The following ANO3 variants were observed in gnomAD, a reference collection of about 807,000 sequenced individuals.
ANO3 encodes the protein anoctamin 3.
Under a neutral mutation model 144.8 loss-of-function variants are expected in ANO3, and 99 were observed. The ratio of observed to expected loss-of-function variants is 0.68; its 90% CI spans 0.58 to 0.81. The LOEUF (loss-of-function observed/expected upper bound fraction) is 0.81, where lower values mean the gene tolerates loss of function less well. Ranked by LOEUF, ANO3 falls within the 30% of genes least tolerant of loss-of-function variation. ANO3 has a pLI of 0.00. For missense variants in ANO3, 905 were observed against 1,202.2 expected (o/e 0.75, Z 3.66); for synonymous variants, 414 against 392.6 (o/e 1.05, Z -0.64).
At chr11:26,610,461 T>G (rs552692481) in intron 17 of ANO3, among the ~76,000 whole-genome samples, 1 of 152,200 alleles carries the variant, frequency 6.6e-6, no homozygotes, top group East Asian at 1.9e-4. Context: ...CCTTGTCAGA[T>G]ATATAGTTGC....
intron 14 of ANO3, among the ~76,000 whole-genome samples, chr11:26,568,427 T>C (rs79904669): frequency 0.023 from 3,505 of 151,968 alleles, 82 homozygotes; most frequent in African/African-American, 0.057. Context: ...CAAAGGAATA[T>C]AGAATTTGGT....
chr11:26,235,418 A>G (rs1024727446), intron 1 of ANO3, among the ~76,000 whole-genome samples: 1 of 152,162 alleles, frequency 6.6e-6, no homozygotes, highest in Non-Finnish European at 1.5e-5. Flanking sequence ...TGATACTTCC[A>G]GTTTCAAATA....
chr11:26,421,020 C>A (rs2133997606), intron 1 of ANO3, among the ~76,000 whole-genome samples: 1 of 152,086 alleles, frequency 6.6e-6, no homozygotes, highest in Non-Finnish European at 1.5e-5. Flanking sequence ...CAGGTTCTAA[C>A]ACTTCCTAGA....
chr11:26,313,505 T>G (rs1190893184), intron 1 of ANO3, among the ~76,000 whole-genome samples: 5 of 152,008 alleles, frequency 3.3e-5, no homozygotes, highest in Non-Finnish European at 7.4e-5. Flanking sequence ...GCCAACATGG[T>G]GAAACCCTGT....
intron 1 of ANO3, among the ~76,000 whole-genome samples, chr11:26,294,801 G>A (rs75697177): frequency 0.019 from 2,962 of 152,242 alleles, 84 homozygotes; most frequent in African/African-American, 0.064. Context: ...ATCTTTAACA[G>A]ACATCAACAT....
Position 26,463,130 on chromosome 11 carries a change from C to G in ANO3, c.414C>G (p.Phe138Leu), listed in dbSNP as rs777573696. 1.3e-6 allele frequency: 2 copies of G among 1,569,002 alleles called. No homozygotes were observed. Among genetic ancestry groups the G allele is most frequent in the African/African-American group, 1.4e-5 (1 of 73,250 alleles). ...TTGTTATCAAAGATAAATCTGAATT[C>G]AAGACAAAATTATCTAAGGTAATGA... Reference protein sequence around the residue: ...NDFVIKDKSEFKTKLSKNDMN... With the variant: ...NDFVIKDKSELKTKLSKNDMN... Residue 138 changes from phenylalanine (F) to leucine (L), a missense_variant, in exon 4 of 27, where the codon TTC (phenylalanine) becomes TTG (leucine). By Grantham distance (22) the Phe-to-Leu change is conservative (BLOSUM62 0). Transcript: ENST00000256737.
At chr11:26,444,479 C>T (rs1022601437) in intron 3 of ANO3, among the ~76,000 whole-genome samples, 4 of 152,184 alleles carry the variant, frequency 2.6e-5, no homozygotes, top group Non-Finnish European at 5.9e-5. Flanking sequence ...AAATGAAGCC[C>T]TGAGTTTTCA....
In ANO3 at chr11:26,324,442, A is replaced by G. The variant is rs570852717; in HGVS notation, c.-3+14723A>G. 2.3e-3 allele frequency among the ~76,000 whole-genome samples: 346 copies of G among 152,312 alleles called. 1 individual carries two copies. Among genetic ancestry groups the G allele is most frequent in the Non-Finnish European group, 4.1e-3 (279 of 68,022 alleles). ...GTGGAAGATTTAATTGTATCACAAC[A>G]TTTAAGGAAATGTCTATCAAATTAG... On this transcript the variant is annotated intron_variant, in intron 1 of 26. Transcript: ENST00000525139.
intron 1 of ANO3, among the ~76,000 whole-genome samples, chr11:26,380,883 G>T (rs1338158886): frequency 3.3e-5 from 5 of 152,134 alleles, no homozygotes; most frequent in Non-Finnish European, 7.4e-5. Flanking sequence ...TCGGGAGGCT[G>T]AGACAGGAGA....
intron 1 of ANO3, among the ~76,000 whole-genome samples, chr11:26,289,615 ATTCTATATG>A (rs1425942280): frequency 2.3e-4 from 21 of 92,126 alleles, no homozygotes; most frequent in Non-Finnish European, 4.0e-4. Flanking sequence ...ACACACATAT[ATTCTATATG>A]TGTGTATATG....
chr11:26,650,103 A>G (rs1853481307), intron 24 of ANO3, among the ~76,000 whole-genome samples: 1 of 148,248 alleles, frequency 6.7e-6, no homozygotes, highest in Non-Finnish European at 1.5e-5. Context: ...AATTTCAAGC[A>G]AAGATGTGGA....
At chr11:26,298,238 C>A (rs1854137390) in intron 1 of ANO3, among the ~76,000 whole-genome samples, 3 of 152,112 alleles carry the variant, frequency 2.0e-5, no homozygotes, top group Admixed American at 1.3e-4. Context: ...GCTACCCACC[C>A]AGTAACTGGC....
At chr11:26,483,068 CT>C (rs923668456) in intron 4 of ANO3, among the ~76,000 whole-genome samples, 7 of 151,498 alleles carry the variant, frequency 4.6e-5, no homozygotes, top group Non-Finnish European at 1.0e-4. Flanking sequence ...ATAATGATTT[CT>C]TTTCCTTAGG....
chr11:26,309,690 T>C lies in ANO3; in HGVS notation c.-32T>C, dbSNP rs11826876. 8,578 of 985,308 alleles carry C rather than the reference T, an allele frequency of 8.7e-3. 578 individuals are homozygous for C. In the African/African-American group the frequency reaches 0.14, roughly 16 times the overall value. The allele number at this position is 985,308 out of a possible 1,614,324, so 61.0% of individuals were successfully genotyped here. A position where few individuals can be genotyped will look rare whatever the true frequency, so the allele number is the denominator to read the frequency against. The stretch of plus-strand genomic sequence containing the variant: ...TCTCATCGTGAGCTTGAGAAGAGTG[T>C]GTGGGCTGCCAAAGGCAAATATAAT... On this transcript the variant is annotated 5_prime_UTR_variant, in exon 1 of 27. Transcript: ENST00000525139.
At chr11:26,329,675 T>C (rs1854986529), upstream of ANO3, among the ~76,000 whole-genome samples, 1 of 151,898 alleles carries the variant, frequency 6.6e-6, no homozygotes, top group African/African-American at 2.4e-5. Flanking sequence ...CATTTCTAGT[T>C]CTGGCAGATA....
chr11:26,259,741 A>G (rs1017471954), intron 1 of ANO3, among the ~76,000 whole-genome samples: 1 of 152,128 alleles, frequency 6.6e-6, no homozygotes, highest in African/African-American at 2.4e-5. Context: ...ACTATGCACC[A>G]TTTATCAGTG....
At chr11:26,322,248 T>C (rs1854777452) in intron 1 of ANO3, among the ~76,000 whole-genome samples, 2 of 152,248 alleles carry the variant, frequency 1.3e-5, no homozygotes, top group Admixed American at 6.5e-5. Context: ...TTTAAACTTA[T>C]AAAAACATTG....
chr11:26,567,036 C>A, intron 14 of ANO3: 2 of 1,480,370 alleles, frequency 1.4e-6, no homozygotes, highest in Non-Finnish European at 1.8e-6. Flanking sequence ...ACAGTATCAT[C>A]TTATTTGATA....
At chr11:26,604,294 A>G (rs187615966) in intron 17 of ANO3, among the ~76,000 whole-genome samples, 21 of 152,316 alleles carry the variant, frequency 1.4e-4, no homozygotes, top group African/African-American at 5.1e-4. Flanking sequence ...TACTAGTACC[A>G]TGCTGTTTTG....
Sources: allele counts gnomAD v4.1 joint callset (sites outside exome capture counted in the v4.1 genomes callset), GRCh38; gene constraint gnomAD v4.1.1; transcripts MANE v1.5; gene names NCBI Gene and HGNC (gene_info 2026-07-23, HGNC 2026-07-21).